FBXO25: variants seen among roughly 807,000 people sequenced by gnomAD.
FBXO25 encodes the protein F-box protein 25, also known as F-box only protein 25.
In FBXO25, 45 loss-of-function variants were observed where a neutral mutation model predicts 51.9. The ratio of observed to expected loss-of-function variants is 0.87; its 90% CI spans 0.68 to 1.11. FBXO25 has a LOEUF of 1.11. FBXO25 is among the 50% of genes most tolerant of loss of function. The pLI is 0.00. For missense variants in FBXO25, 507 were observed against 428.5 expected (o/e 1.18, Z -1.62); for synonymous variants, 199 against 151.0 (o/e 1.32, Z -2.33).
chr8:407,045 CT>C lies in FBXO25; in HGVS notation c.-28del, dbSNP rs952420524. 1.3e-5 allele frequency: 2 copies of C among 152,380 alleles called. No homozygotes were observed. The highest frequency in any genetic ancestry group is 4.8e-5 in the African/African-American group (2 of 41,408). 9.4% of individuals were successfully genotyped at this position (152,380 alleles called of 1,614,324 possible). On this transcript the variant is annotated 5_prime_UTR_variant, in exon 1 of 10. Transcript: ENST00000350302. Reference sequence around the variant, plus strand: ...GGGACGCGGGCGCGTCAGGTGAAGACTGGGGGCCGCAGGCGCGCTAGGTAGG... The same window carrying C: ...GGGACGCGGGCGCGTCAGGTGAAGACGGGGGCCGCAGGCGCGCTAGGTAGG...
rs11996939 is a variant in FBXO25 at position 467,051 on chromosome 8, C to G, written c.988-1664C>G. ...TCACCCCACAGGCCTGTGTGGACAT[C>G]AGGAGCAAAGTTGGAGCCAGAATCC... On this transcript the variant is annotated intron_variant, in intron 9 of 9. Transcript: ENST00000350302. 8.5e-4 allele frequency among the ~76,000 whole-genome samples: 129 copies of G among 152,232 alleles called. 1 individual carries two copies. The highest frequency in any genetic ancestry group is 2.9e-3 in the African/African-American group (122 of 41,532).
rs1406603927 is a variant in FBXO25, at chr8:463,170, C to T, written c.987+20C>T. The T allele has an allele frequency of 1.9e-6, 3 of 1,601,110 alleles. No individual in the cohort carries two copies. Among genetic ancestry groups the T allele is most frequent in the African/African-American group, 1.3e-5 (1 of 74,250 alleles). On this transcript the variant is annotated intron_variant, in intron 9 of 9. Coordinates refer to ENST00000350302, the MANE Select transcript of FBXO25 (RefSeq NM_183420.2). Reference sequence around the variant, plus strand: ...TGGAAGGTACTGATTTAAATGCACTCTTGGAATTTCAGGATTAAATTTTGG... The same window carrying T: ...TGGAAGGTACTGATTTAAATGCACTTTTGGAATTTCAGGATTAAATTTTGG...
intron 2 of FBXO25, among the ~76,000 whole-genome samples, chr8:423,440 C>T (rs1468588189): frequency 6.6e-6 from 1 of 152,018 alleles, no homozygotes; most frequent in Non-Finnish European, 1.5e-5. Context: ...TTTAACCCAC[C>T]CCCACTCCCT....
intron 8 of FBXO25, among the ~76,000 whole-genome samples, chr8:461,686 A>G (rs1462259383): frequency 1.3e-5 from 2 of 152,124 alleles, no homozygotes; most frequent in African/African-American, 4.8e-5. Context: ...TCCTAGCCCC[A>G]AGCAACCCCT....
intron 2 of FBXO25, among the ~76,000 whole-genome samples, chr8:425,212 A>G (rs1797400484): frequency 6.6e-6 from 1 of 151,328 alleles, no homozygotes; most frequent in Admixed American, 6.6e-5. Context: ...TATGGTAACC[A>G]TTTCCCTAAT....
rs533576933 is a variant in FBXO25 at position 467,124 on chromosome 8, G to A, written c.988-1591G>A. Among the ~76,000 whole-genome samples the A allele has an allele frequency of 5.6e-4, 86 of 152,240 alleles. 1 individual carries two copies. The highest frequency in any genetic ancestry group is 3.5e-3 in the Admixed American group (54 of 15,292). ...GTGGTCCTGGTCTTGCAGGGGAACCGCTTTGCTAGTAGCATCCTGAACCAG... is the reference window on the plus strand; with the variant it reads ...GTGGTCCTGGTCTTGCAGGGGAACCACTTTGCTAGTAGCATCCTGAACCAG... On this transcript the variant is annotated intron_variant, in intron 9 of 9. Transcript: ENST00000350302.
At chr8:468,271 A>G (rs1800320978) in intron 9 of FBXO25, 1 of 1,013,820 alleles carries the variant, frequency 9.9e-7, no homozygotes, top group African/African-American at 1.7e-5. Context: ...CAGGGAGCCC[A>G]AGCTGATTCA....
chr8:412,674 A>G (rs1013930081), intron 1 of FBXO25, among the ~76,000 whole-genome samples: 1 of 152,170 alleles, frequency 6.6e-6, no homozygotes, highest in Admixed American at 6.5e-5. Flanking sequence ...GCTTCAACCA[A>G]ACTGAACTAC....
At chr8:423,294 C>G (rs1797267089) in intron 2 of FBXO25, among the ~76,000 whole-genome samples, 1 of 152,182 alleles carries the variant, frequency 6.6e-6, no homozygotes, top group Non-Finnish European at 1.5e-5. Context: ...TTTGTGCTTA[C>G]TGGTTCTTCT....
chr8:436,122 C>G (rs1275862170), intron 5 of FBXO25, among the ~76,000 whole-genome samples: 7 of 152,140 alleles, frequency 4.6e-5, no homozygotes, highest in Non-Finnish European at 8.8e-5. Flanking sequence ...GAAGAAGTAG[C>G]TAATAGAAAA....
At chr8:414,845 G>A (rs147849067) in intron 2 of FBXO25, among the ~76,000 whole-genome samples, 9,528 of 152,222 alleles carry the variant, frequency 0.063, 323 homozygotes, top group Middle Eastern at 0.082. Context: ...ACCCCACCTA[G>A]TTGCTTTGCA....
intron 8 of FBXO25, among the ~76,000 whole-genome samples, chr8:460,597 G>A (rs1799746098): frequency 6.6e-6 from 1 of 152,236 alleles, no homozygotes; most frequent in Non-Finnish European, 1.5e-5. Context: ...CTTGACTGGA[G>A]CATCTGGTGG....
At chr8:449,147 C>T (rs1445912812) in intron 5 of FBXO25, among the ~76,000 whole-genome samples, 6 of 152,112 alleles carry the variant, frequency 3.9e-5, no homozygotes, top group African/African-American at 1.4e-4. Flanking sequence ...GTAAGAAGCA[C>T]ACCTAAAACA....
At chr8:454,906 A>AAAAAAAG (rs1799327276) in intron 7 of FBXO25, among the ~76,000 whole-genome samples, 1 of 142,196 alleles carries the variant, frequency 7.0e-6, no homozygotes, top group East Asian at 2.0e-4. Context: ...AAGAAAAAGA[A>AAAAAAAG]AAAGAAAACA....
At chr8:438,674 A>G (rs1237089373) in intron 5 of FBXO25, among the ~76,000 whole-genome samples, 2 of 152,196 alleles carry the variant, frequency 1.3e-5, no homozygotes, top group African/African-American at 4.8e-5. Context: ...CAGTGCTGGC[A>G]TCGCTGAGCA....
chr8:423,913 G>C lies in FBXO25; in HGVS notation c.135-7428G>C, dbSNP rs371454650. The stretch of plus-strand genomic sequence containing the variant: ...GGACTGATTTACATTCCCGTCAACA[G>C]TGTATAAGCATTCTGTTTTCTCCTC... On this transcript the variant is annotated intron_variant, in intron 2 of 9. Coordinates refer to ENST00000350302, the MANE Select transcript of FBXO25 (RefSeq NM_183420.2). 2.0e-5 allele frequency among the ~76,000 whole-genome samples: 3 copies of C among 152,198 alleles called. No individual in the cohort carries two copies. In the East Asian group the frequency reaches 5.8e-4, roughly 29 times the overall value.
chr8:464,114 TTTTG>T (rs894763992), intron 9 of FBXO25, among the ~76,000 whole-genome samples: 3 of 152,142 alleles, frequency 2.0e-5, no homozygotes, highest in Non-Finnish European at 2.9e-5. Flanking sequence ...GACCAGCTGA[TTTTG>T]TTTGTTTGTT....
rs1157628063 is a variant in FBXO25 at position 470,999 on chromosome 8, C to G, written c.*2195C>G. On this transcript the variant is annotated 3_prime_UTR_variant, in exon 10 of 10. Coordinates refer to ENST00000350302, the MANE Select transcript of FBXO25 (RefSeq NM_183420.2). ...CTAATTTGTCATATACTGTTACTGTCATTTAATTGTTAGATGTTATAACAG... is the reference window on the plus strand; with the variant it reads ...CTAATTTGTCATATACTGTTACTGTGATTTAATTGTTAGATGTTATAACAG... The G allele has an allele frequency of 2.0e-5, 3 of 152,204 alleles. No homozygotes were observed. In the East Asian group the frequency reaches 5.8e-4, roughly 29 times the overall value. The allele number at this position is 152,204 out of a possible 1,614,324, so 9.4% of individuals were successfully genotyped here.
chr8:423,886 C>T (rs1797308487), intron 2 of FBXO25, among the ~76,000 whole-genome samples: 1 of 152,214 alleles, frequency 6.6e-6, no homozygotes, highest in African/African-American at 2.4e-5. Flanking sequence ...CCCACAATGG[C>T]TGGACTGATT....
Sources: gnomAD v4.1 joint callset for allele counts (sites outside exome capture counted in the v4.1 genomes callset) on GRCh38, gnomAD v4.1.1 for gene constraint, MANE v1.5 for transcripts, NCBI Gene and HGNC (gene_info 2026-07-23, HGNC 2026-07-21) for gene names.